ABLIM1: variants seen among roughly 807,000 people sequenced by gnomAD.
ABLIM1 encodes actin binding LIM protein 1.
Under a neutral mutation model 107.0 loss-of-function variants are expected in ABLIM1, and 40 were observed. The observed-to-expected ratio is 0.37, with a 90% confidence interval of 0.29 to 0.49. ABLIM1 has a LOEUF of 0.49. Among genes scored for constraint, ABLIM1 ranks in the 20% least tolerant of loss-of-function variants. The pLI, the probability that ABLIM1 is intolerant of heterozygous loss-of-function variation, is 0.97. For missense variants in ABLIM1, 857 were observed against 1,008.5 expected, an observed-to-expected ratio of 0.85 and a Z score of 2.04; for synonymous variants, 357 against 357.3, an observed-to-expected ratio of 1.00 and a Z score of 0.01.
At chr10:114,767,306 T>C (rs1054869736) in intron 1 of ABLIM1, among the ~76,000 whole-genome samples, 1 of 152,344 alleles carries the variant, frequency 6.6e-6, no homozygotes, top group African/African-American at 2.4e-5. Flanking sequence ...CAATATTTTC[T>C]TTAAATGCTT....
chr10:114,720,586 A>G (rs2081819662), intron 1 of ABLIM1, among the ~76,000 whole-genome samples: 1 of 152,194 alleles, frequency 6.6e-6, no homozygotes, highest in African/African-American at 2.4e-5. Flanking sequence ...AGGCTGCTTC[A>G]GCCAATGAGA....
intron 1 of ABLIM1, among the ~76,000 whole-genome samples, chr10:114,679,840 G>A (rs534513463): frequency 6.6e-6 from 1 of 152,134 alleles, no homozygotes; most frequent in Non-Finnish European, 1.5e-5. Context: ...CCATTCATGC[G>A]AGAAGACACT....
intron 1 of ABLIM1, among the ~76,000 whole-genome samples, chr10:114,638,227 C>A (rs2078574996): frequency 6.6e-6 from 1 of 152,098 alleles, no homozygotes; most frequent in Non-Finnish European, 1.5e-5. Context: ...AAATCTAACT[C>A]AAATAAATTA....
intron 4 of ABLIM1, among the ~76,000 whole-genome samples, chr10:114,565,826 G>C (rs1489574633): frequency 2.4e-5 from 3 of 125,122 alleles, no homozygotes; most frequent in African/African-American, 6.0e-5. Flanking sequence ...ACAGAGTCTC[G>C]ATCTGTCGCC....
At chr10:114,689,807 A>T (rs2081035350), upstream of ABLIM1, among the ~76,000 whole-genome samples, 1 of 152,098 alleles carries the variant, frequency 6.6e-6, no homozygotes, top group Non-Finnish European at 1.5e-5. Flanking sequence ...ACATTCAACA[A>T]TAAGCTGGAC....
At chr10:114,598,218 G>A (rs904766954) in intron 2 of ABLIM1, among the ~76,000 whole-genome samples, 11 of 142,112 alleles carry the variant, frequency 7.7e-5, no homozygotes, top group Admixed American at 1.5e-4. Context: ...AGGTTGCAGC[G>A]AGCCAAGATC....
At chr10:114,436,423 A>T (rs779853674) in intron 22 of ABLIM1, 50 bp from the exon 23 acceptor site, 11 of 1,386,270 alleles carry the variant, frequency 7.9e-6, no homozygotes, top group Admixed American at 5.6e-5. Flanking sequence ...TGATGGCCAC[A>T]CAAATGGCCT....
upstream of ABLIM1, among the ~76,000 whole-genome samples, chr10:114,687,882 A>G (rs114437316): frequency 4.3e-3 from 648 of 152,324 alleles, 8 homozygotes; most frequent in African/African-American, 0.015. Context: ...TTATCTAGAA[A>G]GGCACAGGAA....
At chr10:114,773,450 G>A in the ABLIM1 span, among the ~76,000 whole-genome samples, 27 of 152,252 alleles carry the variant, frequency 1.8e-4, no homozygotes, top group Admixed American at 1.5e-3. Flanking sequence ...GGCCAGGCGC[G>A]GTGGCTCATG....
intron 6 of ABLIM1, among the ~76,000 whole-genome samples, chr10:114,492,600 C>T (rs1442896471): frequency 6.6e-6 from 1 of 152,218 alleles, no homozygotes; most frequent in Non-Finnish European, 1.5e-5. Flanking sequence ...GGTGCCAAAT[C>T]ACATTAGAGT....
At position 114,491,236 on chromosome 10, in the gene ABLIM1, G is replaced by GTC. The variant is rs558197451; in HGVS notation, c.982+553_982+554dup. 4.0e-3 allele frequency among the ~76,000 whole-genome samples: 596 copies of GTC among 149,852 alleles called. 3 individuals carry two copies. The highest frequency in any genetic ancestry group is 6.9e-3 in the Middle Eastern group (2 of 288). On this transcript the variant is annotated intron_variant, in intron 7 of 22. Coordinates refer to ENST00000533213, the MANE Select transcript of ABLIM1 (RefSeq NM_002313.7). ...TCTTGTTATCTCCTATTCTCTCTCTGTCTCTCTCTCTCTCAATATAAGAGC... is the reference window on the plus strand; with the variant it reads ...TCTTGTTATCTCCTATTCTCTCTCTGTCTCTCTCTCTCTCTCAATATAAGAGC...
intron 1 of ABLIM1, among the ~76,000 whole-genome samples, chr10:114,636,095 A>G (rs904441524): frequency 5.3e-5 from 8 of 152,208 alleles, no homozygotes; most frequent in African/African-American, 1.9e-4. Flanking sequence ...GAAGGTATTA[A>G]GACAGGAGTA....
chr10:114,487,738 G>A (rs532568247), intron 8 of ABLIM1, among the ~76,000 whole-genome samples: 1 of 152,262 alleles, frequency 6.6e-6, no homozygotes, highest in Admixed American at 6.5e-5. Context: ...GTAAGGCCAA[G>A]GCTTACTTTG....
intron 1 of ABLIM1, among the ~76,000 whole-genome samples, chr10:114,734,033 G>GT (rs2082129200): frequency 6.6e-6 from 1 of 151,846 alleles, no homozygotes; most frequent in African/African-American, 2.4e-5. Context: ...GCTGATTTTT[G>GT]TTTTTTAGTA....
the ABLIM1 span, among the ~76,000 whole-genome samples, chr10:114,773,115 TAGG>T: frequency 2.0e-5 from 3 of 151,904 alleles, no homozygotes; most frequent in Admixed American, 2.0e-4. Context: ...TTATAAATAA[TAGG>T]AGTCCTAAGA....
chr10:114,728,037 C>T (rs1431848034), intron 1 of ABLIM1, among the ~76,000 whole-genome samples: 1 of 152,096 alleles, frequency 6.6e-6, no homozygotes. Context: ...ACAACACCTA[C>T]AAGTCAATTT....
In ABLIM1 at chr10:114,601,914, G is replaced by A. The variant is rs1340153155; in HGVS notation, c.292C>T (p.His98Tyr). Residue 98 changes from histidine (H) to tyrosine (Y), a missense_variant, in exon 2 of 23, where the codon CAC becomes TAC. His to Tyr is a moderately conservative substitution (Grantham distance 83). This residue lies in a region of ABLIM1 where 176 missense variants were observed against 173.5 expected (regional missense o/e 1.01). Coordinates refer to ENST00000533213, the MANE Select transcript of ABLIM1 (RefSeq NM_002313.7). ...CAAGGCTCCCCACATTTATGGCAGT[G>A]AATGACAGGCTTCTCTGATGGGTGG... is the stretch of plus-strand genomic sequence containing the variant. ...PHHPSEKPVI[H>Y]CHKCGEPCKG... The A allele has an allele frequency of 2.5e-6, 4 of 1,614,180 alleles. No homozygotes were observed. The highest frequency in any genetic ancestry group is 2.5e-6 in the Non-Finnish European group (3 of 1,180,030).
chr10:114,497,171 T>C (rs183591187), intron 6 of ABLIM1, among the ~76,000 whole-genome samples: 1 of 152,224 alleles, frequency 6.6e-6, no homozygotes, highest in African/African-American at 2.4e-5. Context: ...GCAGAGAGGA[T>C]GCTGTTGACT....
rs2081443254 is a variant in ABLIM1, at chr10:114,707,287, C to T, written c.-213+60774G>A. Among the ~76,000 whole-genome samples the T allele has an allele frequency of 2.0e-5, 3 of 152,098 alleles. No individual in the cohort carries two copies. Among genetic ancestry groups the T allele is most frequent in the Admixed American group, 2.0e-4 (3 of 15,278 alleles). On this transcript the variant is annotated intron_variant, in intron 1 of 15. Coordinates refer to the ABLIM1 transcript ENST00000651092. The surrounding 1 kb of genome is among the most constrained non-coding windows in gnomAD (Gnocchi z 4.1). ...TCGCACTGTCACCCAAGATGGAGTG[C>T]AGTGGTGCAGTCTCAGCTCACTGCA...
Sources: allele counts gnomAD v4.1 joint callset (sites outside exome capture counted in the v4.1 genomes callset), GRCh38; gene constraint gnomAD v4.1.1; regional missense constraint gnomAD v4.1.1; non-coding constraint Gnocchi (gnomAD v3.1); transcripts MANE v1.5; gene names NCBI Gene and HGNC (gene_info 2026-07-23, HGNC 2026-07-21).